Variants in TAFA1 observed in about 807,000 individuals in gnomAD.
TAFA1 encodes chemokine-like protein TAFA-1.
TAFA1 carries 4 observed loss-of-function variants against 18.5 expected under a neutral mutation model. The observed-to-expected ratio is 0.22, with a 90% CI of 0.11 to 0.49. The LOEUF is 0.49. Ranked by LOEUF, TAFA1 falls within the 20% of genes least tolerant of loss-of-function variation. The pLI, the probability that TAFA1 is intolerant of heterozygous loss-of-function variation, is 0.98. For missense variants in TAFA1, 147 were observed against 169.0 expected (o/e 0.87, Z 0.72); for synonymous variants, 56 against 55.2 (o/e 1.01, Z -0.06).
intron 2 of TAFA1, among the ~76,000 whole-genome samples, chr3:68,081,653 G>A (rs2064902069): frequency 6.6e-6 from 1 of 152,172 alleles, no homozygotes; most frequent in African/African-American, 2.4e-5. Context: ...ACCCATTTGA[G>A]GAGGCAGTCT....
chr3:68,158,139 C>T (rs1053243899), intron 2 of TAFA1, among the ~76,000 whole-genome samples: 7 of 152,254 alleles, frequency 4.6e-5, no homozygotes, highest in Non-Finnish European at 8.8e-5. Flanking sequence ...GCCTTTTATT[C>T]GCCTGACAGT....
At chr3:68,077,279 G>C (rs2064837305) in intron 2 of TAFA1, among the ~76,000 whole-genome samples, 1 of 138,444 alleles carries the variant, frequency 7.2e-6, no homozygotes, top group South Asian at 2.5e-4. Flanking sequence ...TCTGATGGTA[G>C]TTTCTTTTGC....
intron 2 of TAFA1, among the ~76,000 whole-genome samples, chr3:68,371,059 C>A (rs2069697013): frequency 6.6e-6 from 1 of 151,996 alleles, no homozygotes; most frequent in Non-Finnish European, 1.5e-5. Flanking sequence ...CTCTATTTTT[C>A]TTATCTACTC....
At chr3:68,148,053 C>A (rs1032633603) in intron 2 of TAFA1, among the ~76,000 whole-genome samples, 1 of 152,180 alleles carries the variant, frequency 6.6e-6, no homozygotes, top group African/African-American at 2.4e-5. Flanking sequence ...TGTCTTTGAC[C>A]TCTGCTCAGA....
intron 2 of TAFA1, among the ~76,000 whole-genome samples, chr3:68,303,449 G>GT (rs200192643): frequency 0.028 from 4,236 of 151,068 alleles, 95 homozygotes; most frequent in East Asian, 0.096. Flanking sequence ...AATTCTTTTT[G>GT]TTTTTTTTTG....
At chr3:68,342,565 T>C (rs2069102694) in intron 2 of TAFA1, among the ~76,000 whole-genome samples, 1 of 152,250 alleles carries the variant, frequency 6.6e-6, no homozygotes, top group African/African-American at 2.4e-5. Flanking sequence ...ATTCTCAGCA[T>C]GCTTGAGATA....
intron 2 of TAFA1, among the ~76,000 whole-genome samples, chr3:68,163,667 C>A (rs1464651965): frequency 6.6e-6 from 1 of 152,168 alleles, no homozygotes; most frequent in Non-Finnish European, 1.5e-5. Flanking sequence ...CCCTTTTAAA[C>A]TATGACATTT....
intron 2 of TAFA1, among the ~76,000 whole-genome samples, chr3:68,228,824 T>C (rs1187886957): frequency 6.6e-6 from 1 of 152,194 alleles, no homozygotes; most frequent in Non-Finnish European, 1.5e-5. Context: ...GTGAAACAGA[T>C]GAGAATGGCA....
chr3:68,148,135 C>G lies in TAFA1; in HGVS notation c.118+141391C>G, dbSNP rs75641065. Among the ~76,000 whole-genome samples, 193 of 152,248 alleles carry G rather than the reference C, an allele frequency of 1.3e-3. 1 individual carries two copies. Among genetic ancestry groups the G allele is most frequent in the African/African-American group, 4.5e-3 (188 of 41,536 alleles). On this transcript the variant is annotated intron_variant, in intron 2 of 4. Transcript: ENST00000478136. ...GTTACCTAGTTTGTCTAATTAATAG[C>G]CACAGATCAATTTGCTTGTCATTTT...
intron 2 of TAFA1, among the ~76,000 whole-genome samples, chr3:68,222,003 T>G (rs979028614): frequency 1.3e-5 from 2 of 152,212 alleles, no homozygotes; most frequent in South Asian, 2.1e-4. Flanking sequence ...TCCCTCAAGA[T>G]GAATAACTGT....
chr3:68,218,781 T>C (rs554732644), intron 2 of TAFA1, among the ~76,000 whole-genome samples: 1 of 152,274 alleles, frequency 6.6e-6, no homozygotes, highest in African/African-American at 2.4e-5. Context: ...ACCACCCATG[T>C]AGAGAAGAGT....
intron 3 of TAFA1, among the ~76,000 whole-genome samples, chr3:68,473,116 A>T (rs1031229486): frequency 2.6e-5 from 4 of 152,216 alleles, no homozygotes; most frequent in East Asian, 1.9e-4. Flanking sequence ...GGTGAGGAAA[A>T]GCACTGCCCA....
intron 2 of TAFA1, among the ~76,000 whole-genome samples, chr3:68,332,865 A>G (rs2068906048): frequency 6.6e-6 from 1 of 152,208 alleles, no homozygotes; most frequent in African/African-American, 2.4e-5. Context: ...CAAGAAATTA[A>G]AAATAGAACA....
intron 3 of TAFA1, among the ~76,000 whole-genome samples, chr3:68,483,088 C>T (rs2072268334): frequency 6.6e-6 from 1 of 152,110 alleles, no homozygotes; most frequent in African/African-American, 2.4e-5. Context: ...AAAAGGCATG[C>T]CCTTGAAATA....
At chr3:68,264,587 T>C (rs562429188) in intron 2 of TAFA1, among the ~76,000 whole-genome samples, 1 of 152,286 alleles carries the variant, frequency 6.6e-6, no homozygotes, top group South Asian at 2.1e-4. Context: ...TTCAATGTTA[T>C]CATTTTAAAG....
intron 2 of TAFA1, among the ~76,000 whole-genome samples, chr3:68,013,739 A>C (rs1704517054): frequency 6.6e-6 from 1 of 152,204 alleles, no homozygotes; most frequent in African/African-American, 2.4e-5. Context: ...TTCCCCAAAG[A>C]TAATACCCTC....
chr3:68,055,099 G>A (rs144173992), intron 2 of TAFA1, among the ~76,000 whole-genome samples: 18 of 152,154 alleles, frequency 1.2e-4, no homozygotes, highest in Admixed American at 2.6e-4. Flanking sequence ...GGGGAAGTAT[G>A]AAAGGAAAGG....
At chr3:68,443,294 A>G (rs766988492) in intron 3 of TAFA1, among the ~76,000 whole-genome samples, 3 of 151,920 alleles carry the variant, frequency 2.0e-5, no homozygotes, top group Non-Finnish European at 2.9e-5. Flanking sequence ...CACTATTCTT[A>G]TATCTGGCCA....
At chr3:68,044,947 G>C (rs1487560181) in intron 2 of TAFA1, among the ~76,000 whole-genome samples, 1 of 152,224 alleles carries the variant, frequency 6.6e-6, no homozygotes, top group African/African-American at 2.4e-5. Context: ...CTATTGCTGT[G>C]TGGAAAGATA....
Sources: gnomAD v4.1 joint callset for allele counts (sites outside exome capture counted in the v4.1 genomes callset) on GRCh38, gnomAD v4.1.1 for gene constraint, MANE v1.5 for transcripts, NCBI Gene and HGNC (gene_info 2026-07-23, HGNC 2026-07-21) for gene names.